Variants in PSMA8 observed in about 807,000 individuals in gnomAD.
PSMA8 encodes proteasome 20S subunit alpha 8.
In PSMA8, 18 loss-of-function variants were observed where a neutral mutation model predicts 32.4. The observed-to-expected ratio is 0.56, with a 90% CI of 0.38 to 0.82. The LOEUF is 0.82. PSMA8 is among the 40% of genes least tolerant of loss of function. The probability of loss-of-function intolerance (pLI) is 0.00; values close to 1 mark genes in which losing one functional copy is unlikely to be tolerated. For synonymous variants in PSMA8, 104 were observed against 98.1 expected (o/e 1.06, Z -0.36); for missense variants, 298 against 300.7 (o/e 0.99, Z 0.07).
intron 4 of PSMA8, among the ~76,000 whole-genome samples, chr18:26,160,841 A>G (rs2055129812): frequency 6.6e-6 from 1 of 152,354 alleles, no homozygotes; most frequent in Non-Finnish European, 1.5e-5. Context: ...TCTACCTGGC[A>G]TGTAACACAG....
chr18:26,167,158 A>G (rs2055187044), intron 4 of PSMA8, among the ~76,000 whole-genome samples: 1 of 152,242 alleles, frequency 6.6e-6, no homozygotes, highest in Non-Finnish European at 1.5e-5. Flanking sequence ...AAAAAAGTTT[A>G]TGTGGTTGCA....
chr18:26,162,990 A>G (rs2055147458), intron 4 of PSMA8, among the ~76,000 whole-genome samples: 1 of 151,984 alleles, frequency 6.6e-6, no homozygotes, highest in Non-Finnish European at 1.5e-5. Context: ...CCCAAAGATT[A>G]TTCACCATCA....
chr18:26,191,368 C>A (rs563179905), intron 6 of PSMA8, among the ~76,000 whole-genome samples: 22 of 152,190 alleles, frequency 1.4e-4, no homozygotes, highest in Middle Eastern at 3.4e-3. Flanking sequence ...GTGGCTCAGG[C>A]CTGTAATCCC....
Position 26,193,168 on chromosome 18 carries a change from A to T in PSMA8, c.*757A>T, listed in dbSNP as rs1039954658. 1 of 152,174 alleles carries T rather than the reference A, an allele frequency of 6.6e-6. No individual in the cohort carries two copies. The highest frequency in any genetic ancestry group is 2.4e-5 in the African/African-American group (1 of 41,444). The allele number at this position is 152,174 out of a possible 1,614,324, so 9.4% of individuals were successfully genotyped here. On this transcript the variant is annotated 3_prime_UTR_variant, in exon 7 of 7. Transcript: ENST00000415576. ...ATGTCCAGTGTGTTCGGTTTGTTACATATTCCATGAAATATCTGAGTGTGT... is the reference window on the plus strand; with the variant it reads ...ATGTCCAGTGTGTTCGGTTTGTTACTTATTCCATGAAATATCTGAGTGTGT...
At chr18:26,137,853 G>C (rs2054925095) in intron 1 of PSMA8, among the ~76,000 whole-genome samples, 1 of 152,178 alleles carries the variant, frequency 6.6e-6, no homozygotes, top group African/African-American at 2.4e-5. Context: ...CCCAGGTGTT[G>C]GGGAGGTCCC....
chr18:26,176,806 A>T (rs1460552149), intron 4 of PSMA8, among the ~76,000 whole-genome samples: 1 of 152,034 alleles, frequency 6.6e-6, no homozygotes, highest in Non-Finnish European at 1.5e-5. Flanking sequence ...GGTGGCAGAC[A>T]CCTATAATCC....
At chr18:26,146,836 G>A (rs929436411) in intron 2 of PSMA8, among the ~76,000 whole-genome samples, 1 of 152,072 alleles carries the variant, frequency 6.6e-6, no homozygotes, top group African/African-American at 2.4e-5. Flanking sequence ...CCTGAGACTG[G>A]GTAACTTATA....
At chr18:26,192,025 C>T (rs541569420) in intron 6 of PSMA8, among the ~76,000 whole-genome samples, 3 of 152,054 alleles carry the variant, frequency 2.0e-5, no homozygotes, top group South Asian at 2.1e-4. Flanking sequence ...AATTAAGCCT[C>T]GCATTAAAAT....
At chr18:26,151,425 GT>G (rs1473872779) in intron 2 of PSMA8, among the ~76,000 whole-genome samples, 1 of 152,182 alleles carries the variant, frequency 6.6e-6, no homozygotes, top group African/African-American at 2.4e-5. Flanking sequence ...ATGATAGTTT[GT>G]TATTGCAAGA....
chr18:26,146,160 C>T (rs2055001361), intron 2 of PSMA8, among the ~76,000 whole-genome samples: 1 of 146,396 alleles, frequency 6.8e-6, no homozygotes, highest in Admixed American at 6.9e-5. Flanking sequence ...TAAGACATGC[C>T]TCTTGTCTTT....
At chr18:26,189,600 T>C (rs932135031) in intron 6 of PSMA8, among the ~76,000 whole-genome samples, 1 of 152,044 alleles carries the variant, frequency 6.6e-6, no homozygotes, top group African/African-American at 2.4e-5. Flanking sequence ...TAAAATATCA[T>C]CTCACCCCAG....
At chr18:26,167,044 C>T (rs968918483) in intron 4 of PSMA8, among the ~76,000 whole-genome samples, 1 of 152,194 alleles carries the variant, frequency 6.6e-6, no homozygotes, top group East Asian at 1.9e-4. Context: ...CTATTCAAAG[C>T]AAACATTGTG....
At chr18:26,155,031 T>A (rs2144300071) in intron 3 of PSMA8, among the ~76,000 whole-genome samples, 2 of 152,058 alleles carry the variant, frequency 1.3e-5, no homozygotes, top group East Asian at 3.9e-4. Context: ...GCCCAGGAGT[T>A]CAAGACCAGC....
intron 4 of PSMA8, among the ~76,000 whole-genome samples, chr18:26,172,022 A>C (rs1217991246): frequency 1.3e-5 from 2 of 152,218 alleles, no homozygotes; most frequent in East Asian, 3.9e-4. Flanking sequence ...GCTAAGGAAC[A>C]CCAAGCATGG....
chr18:26,190,565 A>G (rs560497282), intron 6 of PSMA8, among the ~76,000 whole-genome samples: 71 of 152,268 alleles, frequency 4.7e-4, no homozygotes, highest in African/African-American at 1.7e-3. Flanking sequence ...CCTGGGCAAC[A>G]TGGCGAAACC....
chr18:26,136,129 C>T (rs765032526), intron 1 of PSMA8, among the ~76,000 whole-genome samples: 2 of 152,142 alleles, frequency 1.3e-5, no homozygotes, highest in Non-Finnish European at 2.9e-5. Flanking sequence ...CAATTAAAGG[C>T]TTTGTGTTCT....
At chr18:26,161,557 T>C (rs2055135767) in intron 4 of PSMA8, among the ~76,000 whole-genome samples, 2 of 152,200 alleles carry the variant, frequency 1.3e-5, no homozygotes. Flanking sequence ...GGCTATGTTT[T>C]CTAGAATACT....
chr18:26,152,095 A>G (rs974149370), intron 3 of PSMA8, 113 bp downstream of exon 3: 2 of 651,352 alleles, frequency 3.1e-6, no homozygotes, highest in Non-Finnish European at 4.4e-6. Flanking sequence ...AATATATTAA[A>G]TTTCTTATTT....
intron 3 of PSMA8, 53 bp downstream of exon 3, chr18:26,152,035 T>A: frequency 6.8e-7 from 1 of 1,463,892 alleles, no homozygotes; most frequent in Non-Finnish European, 9.2e-7. Flanking sequence ...TTCATCATTA[T>A]AAGTCCTATC....
Sources: gnomAD v4.1 joint callset for allele counts (sites outside exome capture counted in the v4.1 genomes callset) on GRCh38, gnomAD v4.1.1 for gene constraint, MANE v1.5 for transcripts, NCBI Gene and HGNC (gene_info 2026-07-23, HGNC 2026-07-21) for gene names.